The following PDLIM2 variants were observed in gnomAD, a reference collection of about 807,000 sequenced individuals.
PDLIM2 encodes the protein PDZ and LIM domain 2, also known as PDZ and LIM domain protein 2.
PDLIM2 carries 51 observed loss-of-function variants against 54.1 expected under a neutral mutation model. That is an observed-to-expected ratio of 0.94 (90% CI 0.75 to 1.19). The LOEUF is 1.19. PDLIM2 is among the 50% of genes most tolerant of loss of function. The probability of loss-of-function intolerance (pLI) is 0.00; values close to 1 mark genes in which losing one functional copy is unlikely to be tolerated. For synonymous variants in PDLIM2, 398 were observed against 385.6 expected, an observed-to-expected ratio of 1.03 and a Z score of -0.38; for missense variants, 912 against 874.0, an observed-to-expected ratio of 1.04 and a Z score of -0.55.
chr8:22,580,643 G>T, exon 2 of PDLIM2: 1 of 1,614,074 alleles, frequency 6.2e-7, no homozygotes, highest in Non-Finnish European at 8.5e-7. Context: ...CAGCGCCCTG[G>T]GGCTTCCGTA....
intron 8 of PDLIM2, 125 bp downstream of exon 7, chr8:22,589,866 G>C: frequency 1.5e-6 from 2 of 1,317,684 alleles, no homozygotes; most frequent in Non-Finnish European, 2.1e-6. Flanking sequence ...ACTAGGCACG[G>C]AGCCGAGCAG....
At chr8:22,595,339 G>A (rs1383566132), downstream of PDLIM2, 1 of 152,216 alleles carries the variant, frequency 6.6e-6, no homozygotes, top group Non-Finnish European at 1.5e-5. Flanking sequence ...TGTCTGGCGC[G>A]GGACTCCATG....
At chr8:22,580,494 G>A (rs1052756987) in intron 1 of PDLIM2, 28 of 1,582,014 alleles carry the variant, frequency 1.8e-5, no homozygotes, top group South Asian at 1.1e-4. Context: ...GCTGCTCCGG[G>A]AGCTGTGGTG....
intron 2 of PDLIM2, chr8:22,581,142 T>G: frequency 1.5e-6 from 1 of 666,892 alleles, no homozygotes; most frequent in South Asian, 1.7e-5. Context: ...CCTGAAATTC[T>G]GCCACTGCAC....
intron 8 of PDLIM2, chr8:22,591,151 G>A (rs534316288): frequency 1.2e-4 from 29 of 246,974 alleles, no homozygotes; most frequent in African/African-American, 5.1e-4. Context: ...CTTCATCTTC[G>A]TGTGGCTTGA....
chr8:22,585,619 C>A, intron 6 of PDLIM2: 2 of 111,492 alleles, frequency 1.8e-5, no homozygotes, highest in South Asian at 2.3e-4. Flanking sequence ...TGCCCAGTAG[C>A]CCGTCCATCT....
rs1167817381 is a variant in PDLIM2, at chr8:22,589,600, G to A, written c.1372G>A (p.Asp458Asn). The stretch of plus-strand genomic sequence containing the variant: ...TGGCTGCCTCCCACCCTGCAGCATG[G>A]ACTCGGAAGGGGGAAGCCTCCTCCT... The change falls in exon 8 of 10, where the codon GAC becomes AAC. Residue 458 changes from aspartate to asparagine, a missense_variant. Asp to Asn is a conservative substitution (Grantham distance 23). Coordinates refer to ENST00000308354, the Ensembl canonical transcript of PDLIM2. 1.2e-6 allele frequency: 2 copies of A among 1,602,250 alleles called. No individual in the cohort carries two copies. The highest frequency in any genetic ancestry group is 2.2e-5 in the East Asian group (1 of 44,532).
exon 10 of PDLIM2, chr8:22,594,042 G>A (rs868826703): frequency 1.7e-5 from 24 of 1,450,922 alleles, no homozygotes; most frequent in Middle Eastern, 2.3e-4. Flanking sequence ...CTTTGTCCTC[G>A]CTGGGTGGGC....
rs755344725 is a variant in PDLIM2, at chr8:22,579,341, C to G, written c.562C>G (p.Leu188Val). 4.1e-6 allele frequency: 6 copies of G among 1,462,048 alleles called. No homozygotes were observed. In the African/African-American group the frequency reaches 8.9e-5, roughly 22 times the overall value. 90.6% of individuals were successfully genotyped at this position (1,462,048 alleles called of 1,614,324 possible). Residue 188 changes from leucine to valine, a missense_variant, in exon 1 of 10, where the codon CTC becomes GTC. By Grantham distance (32) the Leu-to-Val change is conservative (BLOSUM62 1). Transcript: ENST00000308354. ...CGTCCGCGGCCCAGCTCCCTGGAGC[C>G]TCGCATCAGCGGGGGCGCCCCCGCG...
chr8:22,589,755 G>A lies in PDLIM2; in HGVS notation c.1513+14G>A, dbSNP rs780944239. ...CTGAGGAGAGAGGTGAGGGTCTGGG[G>A]GGCTGGGGAGGGGAAGGAGGTTCCC... On this transcript the variant is annotated intron_variant, in intron 8 of 9. Transcript: ENST00000308354. 1.3e-6 allele frequency: 2 copies of A among 1,557,936 alleles called. No homozygotes were observed. The highest frequency in any genetic ancestry group is 2.7e-5 in the African/African-American group (2 of 73,594).
At chr8:22,589,515 GCT>G in intron 7 of PDLIM2, 79 bp from the exon 7 acceptor site, 1 of 836,790 alleles carries the variant, frequency 1.2e-6, no homozygotes, top group Non-Finnish European at 1.8e-6. Context: ...CCTCCCCCAC[GCT>G]CTTCTCCTGC....
intron 1 of PDLIM2, chr8:22,580,488 C>T: frequency 6.4e-7 from 1 of 1,572,152 alleles, no homozygotes; most frequent in Non-Finnish European, 8.6e-7. Flanking sequence ...TGAGTAGCTG[C>T]TCCGGGAGCT....
chr8:22,579,352 G>C, exon 1 of PDLIM2: 3 of 1,467,832 alleles, frequency 2.0e-6, no homozygotes, highest in South Asian at 2.6e-5. Flanking sequence ...TCGCATCAGC[G>C]GGGGCGCCCC....
exon 1 of PDLIM2, chr8:22,578,793 G>A: frequency 8.1e-7 from 1 of 1,234,366 alleles, no homozygotes; most frequent in East Asian, 3.2e-5. Context: ...CGGGGCGGGA[G>A]AGCGCGGCCG....
At chr8:22,591,321 G>T (rs1037196985) in intron 8 of PDLIM2, 6 of 582,874 alleles carry the variant, frequency 1.0e-5, no homozygotes, top group Middle Eastern at 9.0e-4. Flanking sequence ...GATGGCCCCA[G>T]GTGGCCTTGG....
chr8:22,594,558 G>A, downstream of PDLIM2: 1 of 1,614,122 alleles, frequency 6.2e-7, no homozygotes, highest in Non-Finnish European at 8.5e-7. Flanking sequence ...GAGGGAATGA[G>A]ATTGTCACTG....
At chr8:22,583,815 G>A (rs1053443645) in intron 3 of PDLIM2, among the ~76,000 whole-genome samples, 2 of 118,094 alleles carry the variant, frequency 1.7e-5, no homozygotes, top group Non-Finnish European at 3.2e-5. Flanking sequence ...CTACAAACCC[G>A]AGGCTGAGTG....
downstream of PDLIM2, chr8:22,596,570 C>A (rs1350198063): frequency 6.6e-6 from 1 of 152,252 alleles, no homozygotes; most frequent in African/African-American, 2.4e-5. Flanking sequence ...CGCACGCCGC[C>A]CGTCTATGTT....
In PDLIM2 at chr8:22,591,298, G is replaced by GACACGTCAC. The variant is rs112704779; in HGVS notation, c.1514-249_1514-248insGTCACACAC. The GACACGTCAC allele has an allele frequency of 9.7e-3, 5,467 of 562,276 alleles. 249 individuals carry two copies. Among genetic ancestry groups the GACACGTCAC allele is most frequent in the African/African-American group, 0.092 (4,849 of 52,906 alleles). The allele number at this position is 562,276 out of a possible 1,614,324, so 34.8% of individuals were successfully genotyped here. A position where few individuals can be genotyped will look rare whatever the true frequency, so the allele number is the denominator to read the frequency against. Reference sequence around the variant, plus strand: ...TAGAGAGGGAGCACCTGCTTCACCTGACACTGAGCACAGATGGCCCCAGGT... The same window carrying GACACGTCAC: ...TAGAGAGGGAGCACCTGCTTCACCTGACACGTCACACACTGAGCACAGATGGCCCCAGGT... On this transcript the variant is annotated intron_variant, in intron 8 of 9. Coordinates refer to ENST00000308354, the Ensembl canonical transcript of PDLIM2.
Sources: gnomAD v4.1 joint callset for allele counts (sites outside exome capture counted in the v4.1 genomes callset) on GRCh38, gnomAD v4.1.1 for gene constraint, MANE v1.5 for transcripts, NCBI Gene and HGNC (gene_info 2026-07-23, HGNC 2026-07-21) for gene names.